Variants in AUH observed in about 807,000 individuals in gnomAD.
AUH encodes methylglutaconyl-CoA hydratase, mitochondrial.
AUH carries 29 observed loss-of-function variants against 42.3 expected under a neutral mutation model. The observed-to-expected ratio is 0.69, with a 90% CI of 0.51 to 0.93. The LOEUF (loss-of-function observed/expected upper bound fraction) is 0.93, where lower values mean the gene tolerates loss of function less well. Ranked by LOEUF, AUH falls within the 40% of genes least tolerant of loss-of-function variation. AUH has a pLI of 0.00. For missense variants in AUH, 452 were observed against 438.1 expected (o/e 1.03, Z -0.28); for synonymous variants, 174 against 166.4 (o/e 1.05, Z -0.35).
At chr9:91,288,327 G>GA (rs1481955289) in intron 6 of AUH, among the ~76,000 whole-genome samples, 2 of 152,078 alleles carry the variant, frequency 1.3e-5, no homozygotes, top group Non-Finnish European at 2.9e-5. Flanking sequence ...TGTATTAAAG[G>GA]AAAGTACTGT....
intron 3 of AUH, among the ~76,000 whole-genome samples, chr9:91,344,558 C>T (rs746953952): frequency 5.3e-5 from 8 of 152,152 alleles, no homozygotes; most frequent in Non-Finnish European, 1.0e-4. Context: ...TCAAGTAGCC[C>T]TGTATTTATT....
rs1265070967 is a variant in AUH, at chr9:91,361,591, C to A, written c.262+37G>T. 6 of 1,560,602 alleles carry A rather than the reference C, an allele frequency of 3.8e-6. No individual in the cohort carries two copies. In the South Asian group the frequency reaches 7.1e-5, roughly 18 times the overall value. ...TGCCCGTCCTGAGAGCGAGCGGCCG[C>A]CCGCTGCCCCGCGCCTGCCCAGCGT... On this transcript the variant is annotated intron_variant, in intron 1 of 9. Coordinates refer to ENST00000375731, the MANE Select transcript of AUH (RefSeq NM_001698.3).
At chr9:91,245,910 G>C (rs1587683939) in intron 6 of AUH, among the ~76,000 whole-genome samples, 1 of 152,230 alleles carries the variant, frequency 6.6e-6, no homozygotes, top group East Asian at 1.9e-4. Context: ...GTCTAAAGCT[G>C]GCAAGATGTG....
chr9:91,260,690 T>A (rs1185015918), intron 6 of AUH, among the ~76,000 whole-genome samples: 1 of 152,156 alleles, frequency 6.6e-6, no homozygotes, highest in African/African-American at 2.4e-5. Context: ...TTGGGGAAGT[T>A]TTGGCCATTA....
intron 6 of AUH, among the ~76,000 whole-genome samples, chr9:91,294,288 G>A (rs555963834): frequency 6.6e-6 from 1 of 152,136 alleles, no homozygotes. Context: ...GGTGGCTCAC[G>A]CCTGTAATCC....
intron 9 of AUH, among the ~76,000 whole-genome samples, chr9:91,215,260 T>A (rs1826755403): frequency 6.6e-6 from 1 of 152,192 alleles, no homozygotes; most frequent in Non-Finnish European, 1.5e-5. Flanking sequence ...TAATAATTTG[T>A]ATGCAGTCAT....
intron 4 of AUH, among the ~76,000 whole-genome samples, chr9:91,304,360 A>G (rs1191857322): frequency 2.6e-5 from 4 of 152,210 alleles, no homozygotes; most frequent in African/African-American, 9.6e-5. Flanking sequence ...ACAGCATAAA[A>G]TAAGTAATCA....
chr9:91,260,697 A>ACCC (rs1829663210), intron 6 of AUH, among the ~76,000 whole-genome samples: 1 of 152,154 alleles, frequency 6.6e-6, no homozygotes, highest in African/African-American at 2.4e-5. Context: ...AGTTTTGGCC[A>ACCC]TTACTTTTTA....
chr9:91,324,521 A>T (rs1210965744), intron 4 of AUH, among the ~76,000 whole-genome samples: 160 of 121,322 alleles, frequency 1.3e-3, no homozygotes, highest in Non-Finnish European at 2.3e-3. Flanking sequence ...ATCAAAAATT[A>T]AAAAAAAAAA....
intron 6 of AUH, among the ~76,000 whole-genome samples, chr9:91,230,095 T>C (rs1587646961): frequency 2.0e-5 from 3 of 151,494 alleles, no homozygotes; most frequent in South Asian, 2.1e-4. Flanking sequence ...TGAATCTGAA[T>C]GTTGGCCTGC....
At chr9:91,277,063 A>C (rs2131543141) in intron 6 of AUH, among the ~76,000 whole-genome samples, 1 of 152,206 alleles carries the variant, frequency 6.6e-6, no homozygotes, top group Non-Finnish European at 1.5e-5. Flanking sequence ...GGTAGGGCAT[A>C]CCTGTAATCC....
At chr9:91,318,271 A>G (rs1829309411) in intron 4 of AUH, among the ~76,000 whole-genome samples, 1 of 152,230 alleles carries the variant, frequency 6.6e-6, no homozygotes. Context: ...TGATCACTTC[A>G]GTGATTATAT....
chr9:91,341,645 TCA>T (rs955564441), intron 3 of AUH, among the ~76,000 whole-genome samples: 20 of 152,240 alleles, frequency 1.3e-4, no homozygotes, highest in African/African-American at 4.1e-4. Flanking sequence ...CCAAAATGGT[TCA>T]CAGTCATCCC....
At chr9:91,290,292 C>T (rs1176017491) in intron 6 of AUH, among the ~76,000 whole-genome samples, 1 of 152,088 alleles carries the variant, frequency 6.6e-6, no homozygotes, top group Non-Finnish European at 1.5e-5. Context: ...TGCTGTGTGC[C>T]TATAGTCCCA....
chr9:91,251,627 G>C (rs544916287), intron 6 of AUH, among the ~76,000 whole-genome samples: 1 of 152,190 alleles, frequency 6.6e-6, no homozygotes, highest in Non-Finnish European at 1.5e-5. Flanking sequence ...GCCAAATGTC[G>C]AGTGAATGCC....
chr9:91,217,269 G>T lies in AUH; in HGVS notation c.894+8C>A, dbSNP rs551351122. 4.3e-6 allele frequency: 7 copies of T among 1,612,804 alleles called. No homozygotes were observed. In the South Asian group the frequency reaches 7.7e-5, roughly 18 times the overall value. On this transcript the variant is annotated splice_region_variant and intron_variant, in intron 8 of 9. Transcript: ENST00000375731. ...TCCCAAAACAAACTCAAGCATTAAGGAACCTACCTCCATCCCTTGATTAAT... is the reference window on the plus strand; with the variant it reads ...TCCCAAAACAAACTCAAGCATTAAGTAACCTACCTCCATCCCTTGATTAAT...
At chr9:91,302,427 T>C (rs1452235964) in intron 4 of AUH, among the ~76,000 whole-genome samples, 1 of 151,992 alleles carries the variant, frequency 6.6e-6, no homozygotes, top group Non-Finnish European at 1.5e-5. Context: ...CCATCTCTAC[T>C]AAAAATACAA....
chr9:91,322,952 G>A (rs963780960), intron 4 of AUH, among the ~76,000 whole-genome samples: 11 of 152,074 alleles, frequency 7.2e-5, no homozygotes, highest in African/African-American at 2.4e-4. Flanking sequence ...TTATAATCCC[G>A]ATGCATATTT....
At chr9:91,226,133 T>C (rs967396106) in intron 6 of AUH, among the ~76,000 whole-genome samples, 36 of 150,054 alleles carry the variant, frequency 2.4e-4, no homozygotes, top group African/African-American at 8.6e-4. Flanking sequence ...CACACTGACT[T>C]CCACAATGGT....
Sources: allele counts gnomAD v4.1 joint callset (sites outside exome capture counted in the v4.1 genomes callset), GRCh38; gene constraint gnomAD v4.1.1; transcripts MANE v1.5; gene names NCBI Gene and HGNC (gene_info 2026-07-23, HGNC 2026-07-21).